The following UBE2E2 variants were observed in gnomAD, a reference collection of about 807,000 sequenced individuals.
UBE2E2 encodes the protein ubiquitin-conjugating enzyme E2 E2.
A neutral mutation model predicts 24.7 loss-of-function variants in UBE2E2; 6 were observed. That is an observed-to-expected ratio of 0.24 (90% CI 0.13 to 0.48). The LOEUF is 0.48. Among genes scored for constraint, UBE2E2 ranks in the 20% least tolerant of loss-of-function variants. UBE2E2 has a pLI of 0.99. For missense variants in UBE2E2, 169 were observed against 245.0 expected (o/e 0.69, Z 2.07); for synonymous variants, 104 against 83.6 (o/e 1.24, Z -1.33).
intron 3 of UBE2E2, among the ~76,000 whole-genome samples, chr3:23,493,003 CT>C (rs1319761111): frequency 9.2e-5 from 14 of 152,012 alleles, no homozygotes; most frequent in Non-Finnish European, 1.5e-4. Context: ...AGATATTTTA[CT>C]CTCTTTTGAG....
At chr3:23,232,985 C>T (rs903520) in intron 3 of UBE2E2, among the ~76,000 whole-genome samples, 24,133 of 152,166 alleles carry the variant, frequency 0.16, 2,027 homozygotes, top group South Asian at 0.23. Context: ...AGTGGCACAG[C>T]CCATTGCTTT....
intron 5 of UBE2E2, among the ~76,000 whole-genome samples, chr3:23,572,475 C>T (rs879452845): frequency 2.6e-5 from 4 of 152,126 alleles, no homozygotes; most frequent in Non-Finnish European, 4.4e-5. Flanking sequence ...TTGATCGTGT[C>T]ACCCAGATAG....
chr3:23,252,396 T>C (rs1264643976), intron 3 of UBE2E2, among the ~76,000 whole-genome samples: 1 of 152,238 alleles, frequency 6.6e-6, no homozygotes, highest in African/African-American at 2.4e-5. Context: ...ATCATTCAGC[T>C]TGCTACTCTG....
At chr3:23,255,959 G>A (rs1171591533) in intron 3 of UBE2E2, among the ~76,000 whole-genome samples, 2 of 152,098 alleles carry the variant, frequency 1.3e-5, no homozygotes, top group South Asian at 2.1e-4. Flanking sequence ...TGGGCAACAC[G>A]GCAAGACTCT....
chr3:23,574,683 T>C (rs1445471438), intron 5 of UBE2E2, among the ~76,000 whole-genome samples: 2 of 152,286 alleles, frequency 1.3e-5, no homozygotes, highest in East Asian at 3.9e-4. Flanking sequence ...TGCCTGTGAT[T>C]AGGCACTGCA....
At chr3:23,470,173 G>A (rs760031974) in intron 3 of UBE2E2, among the ~76,000 whole-genome samples, 2 of 152,200 alleles carry the variant, frequency 1.3e-5, no homozygotes, top group Non-Finnish European at 2.9e-5. Context: ...ATTGGGTCTT[G>A]TAGAGTTTCA....
chr3:23,516,042 C>A (rs1420367601), intron 4 of UBE2E2, among the ~76,000 whole-genome samples: 1 of 152,036 alleles, frequency 6.6e-6, no homozygotes, highest in Non-Finnish European at 1.5e-5. Context: ...TACATCATTC[C>A]ACTCCAAAAA....
intron 3 of UBE2E2, among the ~76,000 whole-genome samples, chr3:23,255,760 A>G (rs1237909169): frequency 2.0e-5 from 3 of 152,174 alleles, no homozygotes; most frequent in African/African-American, 4.8e-5. Flanking sequence ...CTATTTTACT[A>G]TTGGATACAT....
At chr3:23,375,530 T>C (rs1696500363) in intron 3 of UBE2E2, among the ~76,000 whole-genome samples, 2 of 152,282 alleles carry the variant, frequency 1.3e-5, no homozygotes, top group South Asian at 4.2e-4. Flanking sequence ...CAGACTACAA[T>C]AAATGAGTGA....
intron 3 of UBE2E2, among the ~76,000 whole-genome samples, chr3:23,266,608 C>T (rs1698057029): frequency 6.6e-6 from 1 of 151,942 alleles, no homozygotes; most frequent in Admixed American, 6.6e-5. Context: ...CTGAATCTGA[C>T]AATTATGTGT....
At chr3:23,425,356 G>A (rs113181826) in intron 3 of UBE2E2, among the ~76,000 whole-genome samples, 2,097 of 152,134 alleles carry the variant, frequency 0.014, 18 homozygotes, top group Non-Finnish European at 0.022. Context: ...TCTTTTAAAG[G>A]GGGAAGCTCA....
At chr3:23,542,527 T>C (rs1199319164) in intron 5 of UBE2E2, among the ~76,000 whole-genome samples, 1 of 152,178 alleles carries the variant, frequency 6.6e-6, no homozygotes, top group Non-Finnish European at 1.5e-5. Flanking sequence ...TTGGGGAACT[T>C]AGGCCATGTG....
chr3:23,225,668 T>C (rs1345746989), intron 3 of UBE2E2, among the ~76,000 whole-genome samples: 1 of 152,258 alleles, frequency 6.6e-6, no homozygotes, highest in East Asian at 1.9e-4. Context: ...TCTGTTCTTA[T>C]GTCAGTAACA....
intron 3 of UBE2E2, among the ~76,000 whole-genome samples, chr3:23,426,912 G>C (rs536592348): frequency 6.6e-6 from 1 of 151,796 alleles, no homozygotes; most frequent in Non-Finnish European, 1.5e-5. Context: ...TATTGTGTGC[G>C]TATACACACA....
At chr3:23,312,935 C>G (rs11129116) in intron 3 of UBE2E2, among the ~76,000 whole-genome samples, 46,426 of 152,020 alleles carry the variant, frequency 0.31, 8,017 homozygotes, top group Admixed American at 0.49. Flanking sequence ...TAGTTTTACT[C>G]TATTGTCATC....
Position 23,569,314 on chromosome 3 carries a change from T to G in UBE2E2, c.509-20420T>G, listed in dbSNP as rs79113893. Among the ~76,000 whole-genome samples, 85 of 152,292 alleles carry G rather than the reference T, an allele frequency of 5.6e-4. 3 individuals carry two copies. In the East Asian group the frequency reaches 0.015, roughly 27 times the overall value. On this transcript the variant is annotated intron_variant, in intron 5 of 5. Coordinates refer to ENST00000396703, the MANE Select transcript of UBE2E2 (RefSeq NM_152653.4). ...AGTTTGATTAGTAGATACCCAGACC[T>G]AGGACTGGTGGATTTGCCAGCGGGG...
intron 3 of UBE2E2, among the ~76,000 whole-genome samples, chr3:23,383,957 A>G (rs111984751): frequency 1.3e-5 from 2 of 150,856 alleles, no homozygotes; most frequent in East Asian, 1.9e-4. Context: ...TAACCTCACA[A>G]TTTATCTAAG....
intron 5 of UBE2E2, among the ~76,000 whole-genome samples, chr3:23,586,830 A>C (rs1477992391): frequency 6.6e-6 from 1 of 152,188 alleles, no homozygotes; most frequent in African/African-American, 2.4e-5. Flanking sequence ...TATCTATGTA[A>C]AAAGTTATTT....
chr3:23,556,989 T>A (rs1285530758), intron 5 of UBE2E2, among the ~76,000 whole-genome samples: 2 of 152,190 alleles, frequency 1.3e-5, no homozygotes, highest in Non-Finnish European at 2.9e-5. Context: ...GCCAAGTCCC[T>A]TCGGCACATT....
Sources: allele counts gnomAD v4.1 joint callset (sites outside exome capture counted in the v4.1 genomes callset), GRCh38; gene constraint gnomAD v4.1.1; transcripts MANE v1.5; gene names NCBI Gene and HGNC (gene_info 2026-07-23, HGNC 2026-07-21).